SRGAP2: variants seen among roughly 807,000 people sequenced by gnomAD.
SRGAP2 encodes the protein SLIT-ROBO Rho GTPase-activating protein 2.
Under a neutral mutation model 57.2 loss-of-function variants are expected in SRGAP2, and 15 were observed. The observed-to-expected ratio is 0.26, with a 90% CI of 0.18 to 0.40. SRGAP2 has a LOEUF of 0.40. Among genes scored for constraint, SRGAP2 ranks in the 10% least tolerant of loss-of-function variants. The pLI is 1.00. For missense variants in SRGAP2, 520 were observed against 669.6 expected (o/e 0.78, Z 2.47); for synonymous variants, 249 against 248.0 (o/e 1.00, Z -0.04).
chr1:206,232,148 T>C (rs1255828875), intron 2 of SRGAP2, among the ~76,000 whole-genome samples: 1 of 151,950 alleles, frequency 6.6e-6, no homozygotes, highest in African/African-American at 2.4e-5. Flanking sequence ...GCGTCTGTGC[T>C]CCCGGGCTGG....
intron 10 of SRGAP2, chr1:206,407,641 T>TA (rs1487155528): frequency 2.7e-5 from 4 of 150,718 alleles, no homozygotes; most frequent in Non-Finnish European, 5.9e-5. Context: ...AACAACTTTT[T>TA]AAAAATGATT....
intron 5 of SRGAP2, among the ~76,000 whole-genome samples, chr1:206,385,749 G>A (rs1656164696): frequency 1.3e-5 from 2 of 152,154 alleles, no homozygotes; most frequent in Non-Finnish European, 2.9e-5. Flanking sequence ...AGAGGGCCGA[G>A]CTGCTACCTC....
intron 4 of SRGAP2, among the ~76,000 whole-genome samples, chr1:206,369,038 C>G (rs1654286282): frequency 6.6e-6 from 1 of 152,190 alleles, no homozygotes; most frequent in African/African-American, 2.4e-5. Context: ...TAATATATCT[C>G]TCATCATTTT....
rs782774981 is a variant in SRGAP2 at position 206,454,957 on chromosome 1, G to A, written c.2440G>A (p.Ala814Thr). The A allele has an allele frequency of 2.6e-6, 2 of 780,888 alleles. No homozygotes were observed. Among genetic ancestry groups the A allele is most frequent in the South Asian group, 1.3e-5 (1 of 74,622 alleles). The allele number at this position is 780,888 out of a possible 1,614,324, so 48.4% of individuals were successfully genotyped here. ...ISEPPEEKVT[A>T]RAGASCPSGG... ...TGAGCCACCTGAAGAAAAGGTGACA[G>A]CCAGAGCGGGGGCCAGCTGTCCCAG... The change falls in exon 21 of 23, where the codon GCC (alanine) becomes ACC (threonine). Residue 814 changes from alanine to threonine, a missense_variant. By Grantham distance (58) the Ala-to-Thr change is moderately conservative. Around this residue, in one of 5 missense-constraint regions of SRGAP2, gnomAD observed 478 missense variants for 373.6 expected, o/e 1.28. Coordinates refer to ENST00000573034, the MANE Select transcript of SRGAP2 (RefSeq NM_015326.5). The surrounding 1 kb of genome is among the most constrained non-coding windows in gnomAD (Gnocchi z 4.3).
rs116638516 is a variant in SRGAP2 at position 206,441,546 on chromosome 1, C to A, written c.1874+1465C>A. 9.5e-3 allele frequency among the ~76,000 whole-genome samples: 1,451 copies of A among 152,290 alleles called. 27 individuals carry two copies. The highest frequency in any genetic ancestry group is 0.033 in the African/African-American group (1,381 of 41,536). ...ACTTTGGTTTTGCTGCAGTTTCGCCCTCAACAGCCTAGACCAAAGGTTATA... is the reference window on the plus strand; with the variant it reads ...ACTTTGGTTTTGCTGCAGTTTCGCCATCAACAGCCTAGACCAAAGGTTATA... On this transcript the variant is annotated intron_variant, in intron 17 of 22. Coordinates refer to ENST00000573034, the MANE Select transcript of SRGAP2 (RefSeq NM_015326.5).
At chr1:206,332,766 AGCTCAGAGTAAT>A (rs1332991940) in intron 3 of SRGAP2, among the ~76,000 whole-genome samples, 4 of 152,134 alleles carry the variant, frequency 2.6e-5, no homozygotes, top group African/African-American at 9.7e-5. Context: ...GTGCTCCTGT[AGCTCAGAGTAAT>A]TTGATCGTCT....
chr1:206,440,835 G>A (rs1379436355), intron 17 of SRGAP2, among the ~76,000 whole-genome samples: 2 of 152,162 alleles, frequency 1.3e-5, no homozygotes, highest in Non-Finnish European at 2.9e-5. Flanking sequence ...GTGAGCCACC[G>A]CACCCGGCAT....
At chr1:206,332,871 G>C (rs61816812) in intron 3 of SRGAP2, among the ~76,000 whole-genome samples, 2,029 of 151,310 alleles carry the variant, frequency 0.013, 39 homozygotes, top group African/African-American at 0.047. Flanking sequence ...TTCCTTTGGA[G>C]GAGGAGAGGC....
intron 18 of SRGAP2, among the ~76,000 whole-genome samples, chr1:206,450,085 TGAG>T (rs1553375296): frequency 6.6e-6 from 1 of 152,162 alleles, no homozygotes; most frequent in Non-Finnish European, 1.5e-5. Flanking sequence ...AATCAGACCT[TGAG>T]GAGTTGAGTT....
chr1:206,248,551 G>A (rs1668638395), intron 2 of SRGAP2, among the ~76,000 whole-genome samples: 1 of 151,962 alleles, frequency 6.6e-6, no homozygotes, highest in African/African-American at 2.4e-5. Context: ...CAGATCTTTT[G>A]GCTTTGTAAT....
At chr1:206,457,599 G>A (rs181291931) in intron 21 of SRGAP2, among the ~76,000 whole-genome samples, 7 of 152,346 alleles carry the variant, frequency 4.6e-5, no homozygotes, top group African/African-American at 1.7e-4. Context: ...AAACTGCCGA[G>A]TGGACAGACT....
chr1:206,318,648 T>A (rs61816784), intron 3 of SRGAP2, among the ~76,000 whole-genome samples: 1 of 150,818 alleles, frequency 6.6e-6, no homozygotes, highest in African/African-American at 2.5e-5. Flanking sequence ...TGCTGGTGTC[T>A]GCTTCTGGTG....
intron 7 of SRGAP2, among the ~76,000 whole-genome samples, chr1:206,397,081 C>A (rs1657669252): frequency 6.6e-6 from 1 of 151,886 alleles, no homozygotes; most frequent in African/African-American, 2.4e-5. Flanking sequence ...CAGAAAGTTT[C>A]TCTTGTCTCT....
At chr1:206,259,199 A>G (rs1669390066) in intron 2 of SRGAP2, among the ~76,000 whole-genome samples, 1 of 151,880 alleles carries the variant, frequency 6.6e-6, no homozygotes, top group East Asian at 1.9e-4. Context: ...GCTTTGCCTT[A>G]TCTGTTCCTC....
intron 21 of SRGAP2, 186 bp downstream of exon 21, chr1:206,455,210 G>A (rs1186021270): frequency 5.3e-5 from 34 of 638,872 alleles, no homozygotes; most frequent in South Asian, 3.3e-4. Context: ...TACAAGCCTC[G>A]GGGCAGGTCC....
intron 3 of SRGAP2, among the ~76,000 whole-genome samples, chr1:206,309,640 G>A (rs1553323293): frequency 1.3e-5 from 2 of 151,952 alleles, no homozygotes; most frequent in East Asian, 3.9e-4. Context: ...ATTCACGATA[G>A]AAGTGGGGGT....
chr1:206,373,105 T>A (rs531139166), intron 4 of SRGAP2, among the ~76,000 whole-genome samples: 1 of 123,506 alleles, frequency 8.1e-6, no homozygotes. Flanking sequence ...TTTTCTTTTT[T>A]TTTTTTTTTT....
At chr1:206,305,594 A>G (rs1571803692) in intron 3 of SRGAP2, among the ~76,000 whole-genome samples, 2 of 151,854 alleles carry the variant, frequency 1.3e-5, no homozygotes, top group East Asian at 1.9e-4. Flanking sequence ...AGTGGACTGT[A>G]TAAGTTAGTT....
chr1:206,256,125 C>T (rs1454339623), intron 2 of SRGAP2, among the ~76,000 whole-genome samples: 12 of 150,572 alleles, frequency 8.0e-5, no homozygotes, highest in African/African-American at 2.0e-4. Context: ...AGAGAACCTA[C>T]CTGGCTGCAT....
Sources: allele counts gnomAD v4.1 joint callset (sites outside exome capture counted in the v4.1 genomes callset), GRCh38; gene constraint gnomAD v4.1.1; regional missense constraint gnomAD v4.1.1; non-coding constraint Gnocchi (gnomAD v3.1); transcripts MANE v1.5; gene names NCBI Gene and HGNC (gene_info 2026-07-23, HGNC 2026-07-21).